Variants in KCNIP1 observed in about 807,000 individuals in gnomAD.
KCNIP1 encodes A-type potassium channel modulatory protein KCNIP1.
Under a neutral mutation model 33.0 loss-of-function variants are expected in KCNIP1, and 18 were observed. That is an observed-to-expected ratio of 0.55 (90% confidence interval 0.38 to 0.81). KCNIP1 has a LOEUF of 0.81. Among genes scored for constraint, KCNIP1 ranks in the 30% least tolerant of loss-of-function variants. The pLI, the probability that KCNIP1 is intolerant of heterozygous loss-of-function variation, is 0.00. For missense variants in KCNIP1, 238 were observed against 271.6 expected (o/e 0.88, Z 0.87); for synonymous variants, 93 against 98.3 (o/e 0.95, Z 0.32).
chr5:170,667,855 A>G (rs11949731), intron 1 of KCNIP1, among the ~76,000 whole-genome samples: 19,476 of 152,242 alleles, frequency 0.13, 1,503 homozygotes, highest in African/African-American at 0.21. Context: ...TTACTTCATC[A>G]TTCGGGACTC....
intron 1 of KCNIP1, among the ~76,000 whole-genome samples, chr5:170,585,592 T>C (rs112145296): frequency 0.086 from 13,001 of 151,916 alleles, 630 homozygotes; most frequent in South Asian, 0.11. Flanking sequence ...GTCAGCCCCC[T>C]GCCTCCCACC....
chr5:170,482,565 G>T (rs1188734955), intron 1 of KCNIP1, among the ~76,000 whole-genome samples: 1 of 152,158 alleles, frequency 6.6e-6, no homozygotes, highest in Non-Finnish European at 1.5e-5. Flanking sequence ...ATGAGCGGTG[G>T]CAGAGCCTGG....
intron 1 of KCNIP1, among the ~76,000 whole-genome samples, chr5:170,694,758 A>G (rs1261545491): frequency 6.6e-6 from 1 of 152,184 alleles, no homozygotes; most frequent in African/African-American, 2.4e-5. Context: ...CGTCACACAT[A>G]TATGTCTGTG....
chr5:170,525,221 A>G (rs1413558127), intron 1 of KCNIP1, among the ~76,000 whole-genome samples: 3 of 152,208 alleles, frequency 2.0e-5, no homozygotes, highest in African/African-American at 7.2e-5. Flanking sequence ...GGCCTCTAGC[A>G]GAGGGGCTAA....
intron 1 of KCNIP1, among the ~76,000 whole-genome samples, chr5:170,692,296 C>T (rs1762747061): frequency 6.6e-6 from 1 of 152,152 alleles, no homozygotes. Context: ...TGGAAGATCC[C>T]CTCCTCTGTA....
intron 1 of KCNIP1, among the ~76,000 whole-genome samples, chr5:170,580,196 A>G (rs765467301): frequency 1.8e-4 from 27 of 152,124 alleles, no homozygotes; most frequent in Admixed American, 1.1e-3. Context: ...GGGGATGGAG[A>G]TATCATTTAT....
intron 1 of KCNIP1, among the ~76,000 whole-genome samples, chr5:170,644,871 C>T (rs1760725192): frequency 6.6e-6 from 1 of 152,240 alleles, no homozygotes; most frequent in South Asian, 2.1e-4. Context: ...CAGAGAATCC[C>T]TGGGCCCCAA....
chr5:170,621,505 TTTA>T (rs1759601878), intron 1 of KCNIP1, among the ~76,000 whole-genome samples: 1 of 152,112 alleles, frequency 6.6e-6, no homozygotes, highest in Non-Finnish European at 1.5e-5. Context: ...CATACTCCTC[TTTA>T]TTATTTTTAT....
intron 1 of KCNIP1, among the ~76,000 whole-genome samples, chr5:170,696,648 A>G (rs1367836326): frequency 7.9e-5 from 12 of 152,186 alleles, no homozygotes. Flanking sequence ...GGCATGGGAT[A>G]GACTCAGAGA....
At chr5:170,355,808 C>T (rs780980384) in intron 1 of KCNIP1, among the ~76,000 whole-genome samples, 3 of 152,196 alleles carry the variant, frequency 2.0e-5, no homozygotes, top group Non-Finnish European at 2.9e-5. Context: ...GAAGGGACTC[C>T]GTGGGGACCT....
At chr5:170,708,634 T>C (rs1763341656) in intron 1 of KCNIP1, among the ~76,000 whole-genome samples, 1 of 152,256 alleles carries the variant, frequency 6.6e-6, no homozygotes, top group African/African-American at 2.4e-5. Context: ...CTAGGCATGG[T>C]GGCTCCCACC....
intron 1 of KCNIP1, among the ~76,000 whole-genome samples, chr5:170,539,781 T>C (rs1756127569): frequency 6.6e-6 from 1 of 152,070 alleles, no homozygotes; most frequent in African/African-American, 2.4e-5. Context: ...TAAGGACAAA[T>C]GTCAAGAAGT....
chr5:170,504,527 A>G lies in KCNIP1; in HGVS notation c.-46A>G, dbSNP rs1191070605. On this transcript the variant is annotated 5_prime_UTR_variant, in exon 1 of 8. Transcript: ENST00000328939. This position sits in a 1 kb window ranked among gnomAD's most constrained non-coding sequence, Gnocchi z 6.0. ...CGGGGATTTCTTTCCAGGGTAGGGG[A>G]GGGGCCGGGCCCGGGGTCCCAACTC... 1.2e-6 allele frequency: 2 copies of G among 1,608,672 alleles called. No homozygotes were observed. The highest frequency in any genetic ancestry group is 1.7e-6 in the Non-Finnish European group (2 of 1,179,116).
chr5:170,412,214 G>C (rs144651317), intron 1 of KCNIP1, among the ~76,000 whole-genome samples: 98 of 141,028 alleles, frequency 6.9e-4, no homozygotes, highest in Non-Finnish European at 1.3e-3. Context: ...CCACCAGTCA[G>C]ATGACCTTCC....
intron 1 of KCNIP1, among the ~76,000 whole-genome samples, chr5:170,627,601 G>C (rs1759881904): frequency 6.6e-6 from 1 of 152,244 alleles, no homozygotes; most frequent in Admixed American, 6.5e-5. Context: ...TGCCTGAGAT[G>C]GCTCATGGGT....
chr5:170,355,587 A>G (rs1031525117), intron 1 of KCNIP1, among the ~76,000 whole-genome samples: 1 of 152,136 alleles, frequency 6.6e-6, no homozygotes, highest in African/African-American at 2.4e-5. Context: ...ACAGGCATAG[A>G]GAAGAGATGT....
intron 5 of KCNIP1, among the ~76,000 whole-genome samples, chr5:170,731,556 G>T (rs1190767518): frequency 6.6e-6 from 1 of 152,024 alleles, no homozygotes; most frequent in Non-Finnish European, 1.5e-5. Flanking sequence ...TTAGCCAGGT[G>T]TGGTGGCACT....
At chr5:170,455,504 C>T (rs1469247870) in intron 1 of KCNIP1, among the ~76,000 whole-genome samples, 2 of 152,168 alleles carry the variant, frequency 1.3e-5, no homozygotes, top group African/African-American at 4.8e-5. Context: ...ATGCCTGGCC[C>T]ACATATTCTT....
chr5:170,487,507 A>G (rs888160387), intron 1 of KCNIP1, among the ~76,000 whole-genome samples: 3 of 150,440 alleles, frequency 2.0e-5, no homozygotes, highest in Admixed American at 1.3e-4. Context: ...CATCATCACG[A>G]TATAGTCACG....
Sources: gnomAD v4.1 joint callset for allele counts (sites outside exome capture counted in the v4.1 genomes callset) on GRCh38, gnomAD v4.1.1 for gene constraint, Gnocchi (gnomAD v3.1) non-coding constraint, MANE v1.5 for transcripts, NCBI Gene and HGNC (gene_info 2026-07-23, HGNC 2026-07-21) for gene names.